The following ELFN2 variants were observed in gnomAD, a reference collection of about 807,000 sequenced individuals.
ELFN2 encodes the protein protein phosphatase 1 regulatory subunit 29.
In ELFN2, 17 loss-of-function variants were observed where a neutral mutation model predicts 45.5. The observed-to-expected ratio is 0.37, with a 90% CI of 0.26 to 0.56. The LOEUF (loss-of-function observed/expected upper bound fraction) is 0.56, where lower values mean the gene tolerates loss of function less well. ELFN2 is among the 20% of genes least tolerant of loss of function. ELFN2 has a pLI of 0.77. For missense variants in ELFN2, 922 were observed against 1,183.2 expected (o/e 0.78, Z 3.24); for synonymous variants, 550 against 551.5 (o/e 1.00, Z 0.04).
At chr22:37,423,797 C>A (rs1355867841) in intron 1 of ELFN2, among the ~76,000 whole-genome samples, 1 of 152,154 alleles carries the variant, frequency 6.6e-6, no homozygotes, top group Non-Finnish European at 1.5e-5. Context: ...GTCCTCAGGG[C>A]TTCTCTGGGG....
downstream of ELFN2, among the ~76,000 whole-genome samples, chr22:37,365,529 G>A (rs983794799): frequency 6.6e-6 from 1 of 152,062 alleles, no homozygotes; most frequent in African/African-American, 2.4e-5. Flanking sequence ...GGTCGGTGAA[G>A]TTTGAGTTAC....
intron 1 of ELFN2, among the ~76,000 whole-genome samples, chr22:37,426,035 C>A (rs1452446563): frequency 6.6e-6 from 1 of 152,070 alleles, no homozygotes; most frequent in East Asian, 1.9e-4. Flanking sequence ...TTTCTGACTC[C>A]GACAGCCTGG....
intron 1 of ELFN2, among the ~76,000 whole-genome samples, chr22:37,361,242 G>A (rs187238779): frequency 6.6e-5 from 10 of 152,278 alleles, no homozygotes; most frequent in African/African-American, 2.4e-4. Context: ...ATGCTGCTGA[G>A]CAGCAGTAAA....
intron 2 of ELFN2, among the ~76,000 whole-genome samples, chr22:37,385,748 C>T (rs1318620565): frequency 1.3e-5 from 2 of 152,158 alleles, no homozygotes; most frequent in Admixed American, 6.5e-5. Context: ...CTGTACTTGA[C>T]CCCTGCCTGA....
chr22:37,375,402 G>A lies in ELFN2; in HGVS notation c.133C>T (p.Pro45Ser). Residue 45 changes from proline (P) to serine (S), a missense_variant, in exon 3 of 3, where the codon CCC (proline) becomes TCC (serine). By Grantham distance (74) the Pro-to-Ser change is moderately conservative. This residue lies in a region of ELFN2 where 358 missense variants were observed against 540.4 expected (regional missense o/e 0.66). Transcript: ENST00000402918. ...WLAICSQNQP[P>S]YETIPQHINS... ...ATGTGCTGCGGGATGGTCTCGTAGG[G>A]CGGCTGGTTCTGGCTGCAGATGGCC... 6.2e-7 allele frequency: 1 copy of A among 1,614,174 alleles called. No individual in the cohort carries two copies. The highest frequency in any genetic ancestry group is 8.5e-7 in the Non-Finnish European group (1 of 1,180,024).
intron 2 of ELFN2, among the ~76,000 whole-genome samples, chr22:37,404,004 G>GCTTT (rs1320645284): frequency 3.9e-5 from 6 of 152,230 alleles, no homozygotes; most frequent in Non-Finnish European, 2.9e-5. Flanking sequence ...GTCCAGGAAG[G>GCTTT]CTTTGCTGAG....
chr22:37,374,357 G>T lies in ELFN2; in HGVS notation c.1178C>A (p.Thr393Asn). 1 of 1,614,056 alleles carries T rather than the reference G, an allele frequency of 6.2e-7. No individual in the cohort carries two copies. The highest frequency in any genetic ancestry group is 8.5e-7 in the Non-Finnish European group (1 of 1,180,020). ...GATGGTCATGATGTAGTGGGTGGTG[G>T]TGGAGGTGCTGGGCGCCAAGTCTCC... The part of the protein sequence containing the change: ...VPGDLAPSTS[T>N]TTHYIMTILG... Residue 393 changes from threonine to asparagine, a missense_variant, in exon 3 of 3, where the codon ACC becomes AAC. Thr to Asn is a moderately conservative substitution (Grantham distance 65). Transcript: ENST00000402918.
At chr22:37,411,726 T>A (rs1337281700) in intron 2 of ELFN2, among the ~76,000 whole-genome samples, 1 of 152,180 alleles carries the variant, frequency 6.6e-6, no homozygotes, top group Admixed American at 6.5e-5. Context: ...TTCTAGCTTC[T>A]CACGCAGCCC....
At chr22:37,348,352 C>CAAACGGGAAACGACCCAA (rs1930743903) in intron 1 of ELFN2, among the ~76,000 whole-genome samples, 1 of 151,552 alleles carries the variant, frequency 6.6e-6, no homozygotes, top group Admixed American at 6.6e-5. Flanking sequence ...AAGGGGCTTC[C>CAAACGGGAAACGACCCAA]AGGCTCAGTG....
chr22:37,390,014 A>T (rs1267929536), intron 2 of ELFN2, among the ~76,000 whole-genome samples: 1 of 152,048 alleles, frequency 6.6e-6, no homozygotes, highest in Non-Finnish European at 1.5e-5. Context: ...GGCCCTGGGG[A>T]GGGGGCCTGG....
chr22:37,348,412 G>A (rs936569417), intron 1 of ELFN2, among the ~76,000 whole-genome samples: 4 of 137,740 alleles, frequency 2.9e-5, no homozygotes, highest in African/African-American at 9.9e-5. Flanking sequence ...TTAGGGGGCA[G>A]GGAAGGGCTG....
intron 2 of ELFN2, among the ~76,000 whole-genome samples, chr22:37,341,967 C>T (rs1210589558): frequency 6.6e-6 from 1 of 152,264 alleles, no homozygotes; most frequent in South Asian, 2.1e-4. Context: ...AAGCCTGGCT[C>T]ACCCACTCAT....
chr22:37,422,946 G>GA (rs1327639944), intron 1 of ELFN2, among the ~76,000 whole-genome samples: 1 of 128,384 alleles, frequency 7.8e-6, no homozygotes, highest in Non-Finnish European at 1.6e-5. Flanking sequence ...TGGGCCTCGG[G>GA]GGGGGGGGGG....
intron 1 of ELFN2, among the ~76,000 whole-genome samples, chr22:37,349,032 A>T (rs947985032): frequency 1.3e-5 from 2 of 151,178 alleles, no homozygotes; most frequent in South Asian, 2.1e-4. Context: ...TCAGCAGGGC[A>T]GCCCACAGAT....
intron 2 of ELFN2, among the ~76,000 whole-genome samples, chr22:37,402,034 C>T (rs1290241718): frequency 6.6e-6 from 1 of 152,168 alleles, no homozygotes; most frequent in Non-Finnish European, 1.5e-5. Flanking sequence ...TCCTCCACAG[C>T]TGTGTGACCT....
intron 2 of ELFN2, among the ~76,000 whole-genome samples, chr22:37,386,292 C>T (rs1931944288): frequency 1.3e-5 from 2 of 152,116 alleles, no homozygotes; most frequent in Non-Finnish European, 2.9e-5. Flanking sequence ...TCTGGAATGG[C>T]TCCTTGGTCC....
At chr22:37,382,126 C>A (rs559635221) in intron 2 of ELFN2, among the ~76,000 whole-genome samples, 1 of 152,240 alleles carries the variant, frequency 6.6e-6, no homozygotes, top group South Asian at 2.1e-4. Flanking sequence ...AACTGAAACT[C>A]AGAGAGGTGC....
rs938495180 is a variant in ELFN2 at position 37,391,105 on chromosome 22, C to G, written c.-462-15109G>C. Among the ~76,000 whole-genome samples, 9 of 152,226 alleles carry G rather than the reference C, an allele frequency of 5.9e-5. 1 individual carries two copies. The South Asian group carries it at 6.2e-4, about 10-fold the overall frequency. Reference sequence around the variant, plus strand: ...CGGCCTCCCGCAAGTGGAGGACCCACAGCCAAAGCCAGGCCTTCTGGTTGG... The same window carrying G: ...CGGCCTCCCGCAAGTGGAGGACCCAGAGCCAAAGCCAGGCCTTCTGGTTGG... On this transcript the variant is annotated intron_variant, in intron 2 of 2. Transcript: ENST00000402918.
intron 2 of ELFN2, among the ~76,000 whole-genome samples, chr22:37,410,744 G>T (rs62234982): frequency 2.0e-5 from 3 of 152,204 alleles, no homozygotes; most frequent in Non-Finnish European, 4.4e-5. Context: ...ACCGAGGAGC[G>T]GAGGATGATC....
Sources: allele counts gnomAD v4.1 joint callset (sites outside exome capture counted in the v4.1 genomes callset), GRCh38; gene constraint gnomAD v4.1.1; regional missense constraint gnomAD v4.1.1; transcripts MANE v1.5; gene names NCBI Gene and HGNC (gene_info 2026-07-23, HGNC 2026-07-21).